Variants in CRIM1 observed in about 807,000 individuals in gnomAD.
The protein encoded by CRIM1 is cysteine-rich motor neuron 1 protein.
Under a neutral mutation model 116.4 loss-of-function variants are expected in CRIM1, and 32 were observed. That is an observed-to-expected ratio of 0.27 (90% confidence interval 0.21 to 0.37). The LOEUF (loss-of-function observed/expected upper bound fraction) is 0.37, where lower values mean the gene tolerates loss of function less well. Ranked by LOEUF, CRIM1 falls within the 10% of genes least tolerant of loss-of-function variation. CRIM1 has a pLI of 1.00. For synonymous variants in CRIM1, 590 were observed against 509.2 expected (o/e 1.16, Z -2.13); for missense variants, 1,331 against 1,354.8 (o/e 0.98, Z 0.28).
At chr2:36,519,911 G>A (rs1414158336) in intron 12 of CRIM1, among the ~76,000 whole-genome samples, 5 of 70,440 alleles carry the variant, frequency 7.1e-5, no homozygotes, top group Admixed American at 3.7e-4. Flanking sequence ...AGAGAAGAGC[G>A]AGGGAGGTAG....
At chr2:36,414,448 C>G (rs1673447608) in intron 2 of CRIM1, among the ~76,000 whole-genome samples, 2 of 152,200 alleles carry the variant, frequency 1.3e-5, no homozygotes, top group Admixed American at 1.3e-4. Flanking sequence ...AGCGCCTGCT[C>G]TGTTCAGACA....
intron 1 of CRIM1, among the ~76,000 whole-genome samples, chr2:36,388,452 A>G (rs1339311145): frequency 7.2e-5 from 11 of 152,230 alleles, no homozygotes; most frequent in Admixed American, 7.2e-4. Flanking sequence ...TTAGCATTGT[A>G]CAATTTCAAT....
intron 1 of CRIM1, among the ~76,000 whole-genome samples, chr2:36,358,269 T>A (rs1668990360): frequency 6.6e-6 from 1 of 152,234 alleles, no homozygotes; most frequent in African/African-American, 2.4e-5. Flanking sequence ...GTTTTGACTT[T>A]GGGAATTCTG....
At chr2:36,521,367 A>G (rs1259188266) in intron 12 of CRIM1, among the ~76,000 whole-genome samples, 1 of 152,192 alleles carries the variant, frequency 6.6e-6, no homozygotes, top group Non-Finnish European at 1.5e-5. Context: ...TGTTGCATTT[A>G]GGTGGTTTTT....
chr2:36,360,865 T>C (rs1369333057), intron 1 of CRIM1, among the ~76,000 whole-genome samples: 1 of 152,108 alleles, frequency 6.6e-6, no homozygotes, highest in Non-Finnish European at 1.5e-5. Flanking sequence ...AAAATTAAGC[T>C]CTTGGCTTTG....
At chr2:36,457,920 C>G (rs1026301082) in intron 4 of CRIM1, among the ~76,000 whole-genome samples, 11 of 152,180 alleles carry the variant, frequency 7.2e-5, no homozygotes, top group Non-Finnish European at 1.5e-5. Flanking sequence ...CATTAACACA[C>G]TGTGTAGAAT....
chr2:36,416,076 G>T (rs1457588294), intron 2 of CRIM1, among the ~76,000 whole-genome samples: 1 of 152,012 alleles, frequency 6.6e-6, no homozygotes, highest in Admixed American at 6.6e-5. Context: ...GGCATGGTAG[G>T]GTGTGCCTGT....
intron 7 of CRIM1, among the ~76,000 whole-genome samples, chr2:36,498,401 G>A (rs1680753146): frequency 6.6e-6 from 1 of 152,118 alleles, no homozygotes; most frequent in African/African-American, 2.4e-5. Context: ...GATAATAATA[G>A]CACCCACCTC....
At chr2:36,458,028 T>G (rs982342087) in intron 4 of CRIM1, among the ~76,000 whole-genome samples, 1 of 152,230 alleles carries the variant, frequency 6.6e-6, no homozygotes, top group Non-Finnish European at 1.5e-5. Context: ...GTTTTTAATT[T>G]ATAGGCGGTC....
chr2:36,395,413 A>G (rs1363511919), intron 1 of CRIM1, among the ~76,000 whole-genome samples: 9 of 152,258 alleles, frequency 5.9e-5, no homozygotes, highest in Admixed American at 5.9e-4. Flanking sequence ...CTTATCAGAA[A>G]CATGTTTACT....
At chr2:36,377,292 C>T (rs1313001198) in intron 1 of CRIM1, among the ~76,000 whole-genome samples, 3 of 152,256 alleles carry the variant, frequency 2.0e-5, no homozygotes, top group East Asian at 1.9e-4. Context: ...ATGACTAGCA[C>T]ACATTGCATC....
Position 36,510,656 on chromosome 2 carries a change from AT to A in CRIM1, c.1658+521del, listed in dbSNP as rs1664603702. Reference sequence around the variant, plus strand: ...TTTATCTAGCGTTAGATTTTTATGAATTTTCTTGGAGCTAAGGGCCATTACT... The same window carrying A: ...TTTATCTAGCGTTAGATTTTTATGAATTTCTTGGAGCTAAGGGCCATTACT... On this transcript the variant is annotated intron_variant, in intron 9 of 16. Transcript: ENST00000280527. Among the ~76,000 whole-genome samples, 4 of 151,984 alleles carry A rather than the reference AT, an allele frequency of 2.6e-5. No homozygotes were observed. In the South Asian group the frequency reaches 8.3e-4, roughly 32 times the overall value.
intron 8 of CRIM1, among the ~76,000 whole-genome samples, chr2:36,505,817 A>G (rs1045845096): frequency 2.0e-5 from 3 of 152,130 alleles, no homozygotes; most frequent in Non-Finnish European, 4.4e-5. Flanking sequence ...GCTGTGTTGA[A>G]TCAACGAATA....
chr2:36,367,372 C>A (rs1669668502), intron 1 of CRIM1, among the ~76,000 whole-genome samples: 1 of 152,146 alleles, frequency 6.6e-6, no homozygotes, highest in African/African-American at 2.4e-5. Flanking sequence ...TTACAGAATT[C>A]TTGTATGTGA....
chr2:36,364,662 T>G (rs570566536), intron 1 of CRIM1, among the ~76,000 whole-genome samples: 1 of 152,208 alleles, frequency 6.6e-6, no homozygotes. Context: ...CAAACCTGCA[T>G]TGAAATCTTA....
intron 1 of CRIM1, among the ~76,000 whole-genome samples, chr2:36,379,783 AGAATG>A (rs1670596806): frequency 7.4e-6 from 1 of 135,202 alleles, no homozygotes; most frequent in Non-Finnish European, 1.5e-5. Flanking sequence ...GCAATTGCTT[AGAATG>A]AGATGAATCT....
chr2:36,388,132 A>C (rs1226245258), intron 1 of CRIM1, among the ~76,000 whole-genome samples: 1 of 152,154 alleles, frequency 6.6e-6, no homozygotes, highest in Non-Finnish European at 1.5e-5. Flanking sequence ...GAAACTTCCA[A>C]ATATATACAG....
chr2:36,408,049 G>A (rs981997908), intron 2 of CRIM1, among the ~76,000 whole-genome samples: 1 of 152,162 alleles, frequency 6.6e-6, no homozygotes. Context: ...GGTTAAAGGA[G>A]CACCAGAAGT....
intron 2 of CRIM1, among the ~76,000 whole-genome samples, chr2:36,397,851 G>A (rs1306308228): frequency 6.6e-6 from 1 of 152,180 alleles, no homozygotes; most frequent in African/African-American, 2.4e-5. Flanking sequence ...TTTGCGAATT[G>A]CAGAGGATCC....
Sources: allele counts gnomAD v4.1 joint callset (sites outside exome capture counted in the v4.1 genomes callset), GRCh38; gene constraint gnomAD v4.1.1; transcripts MANE v1.5; gene names NCBI Gene and HGNC (gene_info 2026-07-23, HGNC 2026-07-21).